The following ESRRG variants were observed in gnomAD, a reference collection of about 807,000 sequenced individuals.
ESRRG encodes the protein estrogen-related receptor gamma.
Under a neutral mutation model 44.0 loss-of-function variants are expected in ESRRG, and 13 were observed. The ratio of observed to expected loss-of-function variants is 0.30; its 90% CI spans 0.19 to 0.47. The LOEUF (loss-of-function observed/expected upper bound fraction) is 0.47, where lower values mean the gene tolerates loss of function less well. ESRRG is among the 20% of genes least tolerant of loss of function. ESRRG has a pLI of 1.00. For missense variants in ESRRG, 395 were observed against 580.6 expected, an observed-to-expected ratio of 0.68 and a Z score of 3.29; for synonymous variants, 215 against 214.6, an observed-to-expected ratio of 1.00 and a Z score of -0.02.
chr1:217,065,140 C>A (rs1258097894), intron 1 of ESRRG, among the ~76,000 whole-genome samples: 1 of 152,164 alleles, frequency 6.6e-6, no homozygotes, highest in Non-Finnish European at 1.5e-5. Context: ...CCATTAATGC[C>A]CCATAAATTC....
intron 5 of ESRRG, among the ~76,000 whole-genome samples, chr1:216,525,808 A>G (rs922926120): frequency 1.3e-5 from 2 of 152,180 alleles, no homozygotes; most frequent in Non-Finnish European, 2.9e-5. Context: ...TTGCTTTACC[A>G]ATGTACTGGT....
chr1:216,588,581 T>C (rs1476387539), intron 3 of ESRRG, among the ~76,000 whole-genome samples: 1 of 152,204 alleles, frequency 6.6e-6, no homozygotes, highest in East Asian at 1.9e-4. Flanking sequence ...CTTTCATAGA[T>C]CATCTTATTT....
chr1:217,057,870 T>C lies in ESRRG; in HGVS notation c.-106+31637A>G, dbSNP rs1294596879. 7.2e-5 allele frequency among the ~76,000 whole-genome samples: 11 copies of C among 152,284 alleles called. No individual in the cohort carries two copies. The East Asian group carries it at 1.5e-3, about 21-fold the overall frequency. On this transcript the variant is annotated intron_variant, in intron 1 of 7. Coordinates refer to the ESRRG transcript ENST00000359162. ...CTATCATTAGTGTTAGTGTATTTTA[T>C]GTGTGGCCCAAGATAAATCTTCTTC...
At position 216,596,709 on chromosome 1, in the gene ESRRG, A is replaced by G. The variant is rs1252719692; in HGVS notation, c.590-28611T>C. On this transcript the variant is annotated intron_variant, in intron 3 of 6. Transcript: ENST00000408911. Reference sequence around the variant, plus strand: ...TGGCTAAACCATTACAATGCAGTCAATTTCGAAATAAGTGAATCCCAGCTT... The same window carrying G: ...TGGCTAAACCATTACAATGCAGTCAGTTTCGAAATAAGTGAATCCCAGCTT... Among the ~76,000 whole-genome samples, 3 of 152,298 alleles carry G rather than the reference A, an allele frequency of 2.0e-5. No homozygotes were observed. In the South Asian group the frequency reaches 6.2e-4, roughly 32 times the overall value.
rs556070556 is a variant in ESRRG, at chr1:216,562,764, T to C, written c.862+1455A>G. ...TAATGATATATTAATATAAATGATA[T>C]ATATCAATCACCTAAAAAAGTGTCT... On this transcript the variant is annotated intron_variant, in intron 5 of 6. Coordinates refer to ENST00000408911, the MANE Select transcript of ESRRG (RefSeq NM_001438.4). Among the ~76,000 whole-genome samples, 3 of 152,262 alleles carry C rather than the reference T, an allele frequency of 2.0e-5. No homozygotes were observed. In the South Asian group the frequency reaches 6.2e-4, roughly 32 times the overall value.
chr1:216,871,750 T>C (rs1214228342), intron 2 of ESRRG, among the ~76,000 whole-genome samples: 1 of 152,084 alleles, frequency 6.6e-6, no homozygotes, highest in Non-Finnish European at 1.5e-5. Context: ...TTCCTCTTTA[T>C]GTCGTAGTTG....
At chr1:217,120,021 T>C (rs1453087371) in intron 1 of ESRRG, among the ~76,000 whole-genome samples, 1 of 152,254 alleles carries the variant, frequency 6.6e-6, no homozygotes, top group African/African-American at 2.4e-5. Context: ...TCCATTCCTT[T>C]GAGGAGCTCA....
At chr1:216,901,743 C>A (rs2059104427) in intron 2 of ESRRG, among the ~76,000 whole-genome samples, 1 of 151,168 alleles carries the variant, frequency 6.6e-6, no homozygotes, top group Non-Finnish European at 1.5e-5. Context: ...TAATTAGTGG[C>A]AAAGTGCCTA....
At chr1:216,973,267 C>A (rs2072093328) in intron 1 of ESRRG, among the ~76,000 whole-genome samples, 1 of 152,176 alleles carries the variant, frequency 6.6e-6, no homozygotes. Context: ...TGAGCCTACA[C>A]ACCCTGCAGT....
chr1:216,789,161 G>C (rs1423794629), intron 2 of ESRRG, among the ~76,000 whole-genome samples: 1 of 152,154 alleles, frequency 6.6e-6, no homozygotes, highest in Admixed American at 6.6e-5. Flanking sequence ...AAGTTCTTCT[G>C]TGGGTAAAAT....
intron 1 of ESRRG, among the ~76,000 whole-genome samples, chr1:217,120,785 G>C: frequency 6.6e-6 from 1 of 152,156 alleles, no homozygotes; most frequent in Non-Finnish European, 1.5e-5. Flanking sequence ...ACTTGGTGAA[G>C]TCTCCCTTAG....
upstream of ESRRG, among the ~76,000 whole-genome samples, chr1:217,093,889 ATAT>A (rs1213644287): frequency 2.0e-5 from 3 of 151,794 alleles, no homozygotes; most frequent in South Asian, 4.1e-4. Flanking sequence ...TAATAATAAA[ATAT>A]TATTATCTGA....
chr1:216,700,995 C>T lies in ESRRG; in HGVS notation c.56+22249G>A, dbSNP rs1488291260. Among the ~76,000 whole-genome samples the T allele has an allele frequency of 2.0e-5, 3 of 152,224 alleles. 1 individual carries two copies. The highest frequency in any genetic ancestry group is 4.1e-4 in the South Asian group (2 of 4,822). ...TCAATTCAAGCTTCCCTGACTAATC[C>T]TTATTATGACTCATTTCGACTTCAG... On this transcript the variant is annotated intron_variant, in intron 1 of 6. Coordinates refer to ENST00000408911, the MANE Select transcript of ESRRG (RefSeq NM_001438.4).
At chr1:216,905,519 T>C (rs150307776) in intron 2 of ESRRG, among the ~76,000 whole-genome samples, 416 of 152,214 alleles carry the variant, frequency 2.7e-3, no homozygotes, top group African/African-American at 9.4e-3. Flanking sequence ...ATTTTCTTCC[T>C]ACCACCACCC....
chr1:216,995,309 C>T (rs549202102), intron 1 of ESRRG, among the ~76,000 whole-genome samples: 4 of 152,286 alleles, frequency 2.6e-5, no homozygotes, highest in East Asian at 1.9e-4. Flanking sequence ...CCTCACTGTC[C>T]GTTGCCTATC....
intron 1 of ESRRG, among the ~76,000 whole-genome samples, chr1:216,964,449 T>C (rs1356260843): frequency 6.6e-6 from 1 of 152,098 alleles, no homozygotes; most frequent in East Asian, 1.9e-4. Flanking sequence ...CCCTATCCCA[T>C]GGGCAACTCT....
rs1311622614 is a variant in ESRRG, at chr1:216,764,293, A to G, written c.-13-86802T>C. Among the ~76,000 whole-genome samples, 4 of 145,400 alleles carry G rather than the reference A, an allele frequency of 2.8e-5. No individual in the cohort carries two copies. The East Asian group carries it at 6.0e-4, about 22-fold the overall frequency. On this transcript the variant is annotated intron_variant, in intron 2 of 7. Transcript: ENST00000359162. Reference sequence around the variant, plus strand: ...CTTTTACTCTTTTTTTTTTTCTGACAGGGTCTTGTTTTGTCCCCCAAGGTG... The same window carrying G: ...CTTTTACTCTTTTTTTTTTTCTGACGGGGTCTTGTTTTGTCCCCCAAGGTG...
chr1:216,907,422 C>T (rs1323208202), intron 2 of ESRRG, among the ~76,000 whole-genome samples: 6 of 152,128 alleles, frequency 3.9e-5, no homozygotes, highest in Non-Finnish European at 7.4e-5. Flanking sequence ...AGGGAGATGC[C>T]GCACTTGTGA....
chr1:216,527,582 G>A (rs967411785), intron 5 of ESRRG, among the ~76,000 whole-genome samples: 1 of 152,030 alleles, frequency 6.6e-6, no homozygotes, highest in Non-Finnish European at 1.5e-5. Context: ...TGTTAAGTGA[G>A]CTCATTTTCC....
Sources: gnomAD v4.1 joint callset for allele counts (sites outside exome capture counted in the v4.1 genomes callset) on GRCh38, gnomAD v4.1.1 for gene constraint, MANE v1.5 for transcripts, NCBI Gene and HGNC (gene_info 2026-07-23, HGNC 2026-07-21) for gene names.